TEC: variants seen among roughly 807,000 people sequenced by gnomAD.
TEC encodes the protein tec protein tyrosine kinase.
TEC carries 72 observed loss-of-function variants against 93.0 expected under a neutral mutation model. That is an observed-to-expected ratio of 0.77 (90% CI 0.64 to 0.94). The LOEUF (loss-of-function observed/expected upper bound fraction) is 0.94. Ranked by LOEUF, TEC falls within the 40% of genes least tolerant of loss-of-function variation. The pLI, the probability that TEC is intolerant of heterozygous loss-of-function variation, is 0.00. For synonymous variants in TEC, 249 were observed against 247.7 expected (o/e 1.01, Z -0.05); for missense variants, 630 against 757.9 (o/e 0.83, Z 1.98).
At chr4:48,253,247 TC>T (rs1724256930) in intron 1 of TEC, among the ~76,000 whole-genome samples, 1 of 152,220 alleles carries the variant, frequency 6.6e-6, no homozygotes, top group African/African-American at 2.4e-5. Context: ...TATGTAGCTG[TC>T]GTCTCCTGGC....
intron 11 of TEC, 51 bp from the exon 12 acceptor site, chr4:48,146,450 T>C (rs1251576527): frequency 2.6e-6 from 4 of 1,538,282 alleles, no homozygotes; most frequent in Non-Finnish European, 3.6e-6. Context: ...ATCATTCTGC[T>C]TGGTCACATG....
chr4:48,208,479 T>C, intron 2 of TEC, among the ~76,000 whole-genome samples: 1 of 152,090 alleles, frequency 6.6e-6, no homozygotes, highest in Non-Finnish European at 1.5e-5. Context: ...AAAAAATGAA[T>C]TTGCCCAGCT....
At chr4:48,155,271 C>T (rs1720347930) in intron 9 of TEC, among the ~76,000 whole-genome samples, 1 of 152,202 alleles carries the variant, frequency 6.6e-6, no homozygotes, top group Non-Finnish European at 1.5e-5. Context: ...GCATGTAAAT[C>T]TGCCTTTCAA....
chr4:48,184,049 AG>A (rs1721703543), intron 2 of TEC, among the ~76,000 whole-genome samples: 2 of 152,242 alleles, frequency 1.3e-5, no homozygotes, highest in African/African-American at 4.8e-5. Flanking sequence ...ATTAAAAAAA[AG>A]AATATTATCA....
chr4:48,241,779 T>G (rs1393435476), intron 1 of TEC, among the ~76,000 whole-genome samples: 1 of 152,184 alleles, frequency 6.6e-6, no homozygotes, highest in East Asian at 1.9e-4. Context: ...ATTCATCTCT[T>G]ATCCTCGTCA....
chr4:48,161,482 A>G (rs1001814431), intron 8 of TEC, among the ~76,000 whole-genome samples: 3 of 151,980 alleles, frequency 2.0e-5, no homozygotes, highest in Non-Finnish European at 4.4e-5. Flanking sequence ...TAGGTTACTG[A>G]TAACACTAGG....
chr4:48,179,376 A>ATATATATATATATATTT (rs1560393438), intron 2 of TEC, among the ~76,000 whole-genome samples: 1 of 21,164 alleles, frequency 4.7e-5, no homozygotes, highest in Non-Finnish European at 8.4e-5. Context: ...ATATATATAT[A>ATATATATATATATATTT]TTTTTTTTTT....
chr4:48,157,520 C>T (rs1175687407), intron 8 of TEC, among the ~76,000 whole-genome samples: 1 of 152,118 alleles, frequency 6.6e-6, no homozygotes, highest in Non-Finnish European at 1.5e-5. Flanking sequence ...ATCTGCACCG[C>T]TTCTTCTTTT....
chr4:48,228,549 C>T lies in TEC; in HGVS notation c.66G>A (p.Ser22=), dbSNP rs143430739. The T allele has an allele frequency of 1.3e-3, 2,042 of 1,613,660 alleles. No homozygotes were observed. The highest frequency in any genetic ancestry group is 1.6e-3 in the Non-Finnish European group (1,905 of 1,179,918). The change falls in exon 2 of 18, where the codon TCG becomes TCA. Residue 22 remains serine, a synonymous_variant. Coordinates refer to ENST00000381501, the MANE Select transcript of TEC (RefSeq NM_003215.3). ...AAAGTCTCTCTTTGTAGTTTAAGGG[C>T]GATGTCTTCTTTTTCTGCTGTGACC... The part of the protein sequence containing the change: ...IKRSQQKKKT[S]PLNYKERLFV...
intron 1 of TEC, among the ~76,000 whole-genome samples, chr4:48,240,408 C>A (rs2109655848): frequency 6.6e-6 from 1 of 152,200 alleles, no homozygotes; most frequent in Admixed American, 6.5e-5. Context: ...ATGGGCTCAC[C>A]TTCCCCAAGG....
intron 15 of TEC, among the ~76,000 whole-genome samples, chr4:48,140,864 C>T (rs891808806): frequency 6.6e-6 from 1 of 152,116 alleles, no homozygotes; most frequent in Non-Finnish European, 1.5e-5. Flanking sequence ...TCAATGTAAG[C>T]TGCATGCGGG....
intron 1 of TEC, among the ~76,000 whole-genome samples, chr4:48,228,866 T>C (rs577042681): frequency 2.6e-5 from 4 of 152,216 alleles, no homozygotes; most frequent in Non-Finnish European, 5.9e-5. Flanking sequence ...CATCTCATCA[T>C]TTCATGAGAA....
Position 48,167,847 on chromosome 4 carries a change from T to C in TEC, c.602A>G (p.Glu201Gly). 2.5e-6 allele frequency: 4 copies of C among 1,613,968 alleles called. No homozygotes were observed. The highest frequency in any genetic ancestry group is 3.4e-6 in the Non-Finnish European group (4 of 1,179,904). The change falls in exon 7 of 18, where the codon GAG (glutamate) becomes GGG (glycine). Residue 201 changes from glutamate to glycine, a missense_variant. This residue lies in a region of TEC where 335 missense variants were observed against 351.5 expected (regional missense o/e 0.95). Transcript: ENST00000381501. The stretch of plus-strand genomic sequence containing the variant: ...TAAAATGAGATACTCTTGGCCTCTC[T>C]CTAATCTGAGATCATGTCCTTCTGC... ...QAAEGHDLRL[E>G]RGQEYLILEK...
At chr4:48,252,295 G>T (rs1577672317) in intron 1 of TEC, among the ~76,000 whole-genome samples, 1 of 152,230 alleles carries the variant, frequency 6.6e-6, no homozygotes, top group Non-Finnish European at 1.5e-5. Context: ...TAGTGGTAGT[G>T]GTGGTGGTGC....
Position 48,174,907 on chromosome 4 carries a change from T to A in TEC, c.243+1175A>T, listed in dbSNP as rs1339411192. On this transcript the variant is annotated intron_variant, in intron 3 of 17. Transcript: ENST00000381501. ...GCTATTTATATATCACATCAGTTAA[T>A]CCTCACAACAACCCCATGAAATGAG... Among the ~76,000 whole-genome samples, 9 of 152,330 alleles carry A rather than the reference T, an allele frequency of 5.9e-5. No individual in the cohort carries two copies. In the South Asian group the frequency reaches 1.7e-3, roughly 28 times the overall value.
intron 8 of TEC, among the ~76,000 whole-genome samples, chr4:48,159,092 A>C (rs1300745508): frequency 1.3e-5 from 2 of 152,068 alleles, no homozygotes; most frequent in Non-Finnish European, 2.9e-5. Context: ...AGAAAAAAAA[A>C]AAAAAGACAA....
intron 2 of TEC, among the ~76,000 whole-genome samples, chr4:48,192,290 A>C (rs1402755690): frequency 1.3e-5 from 2 of 152,240 alleles, no homozygotes; most frequent in Non-Finnish European, 2.9e-5. Flanking sequence ...GAATTCTAGA[A>C]CATGCAAACT....
chr4:48,227,652 A>AC (rs1723514348), intron 2 of TEC, among the ~76,000 whole-genome samples: 1 of 151,832 alleles, frequency 6.6e-6, no homozygotes, highest in South Asian at 2.1e-4. Flanking sequence ...AAAAAAAAAA[A>AC]AAAAAAAAAC....
intron 2 of TEC, among the ~76,000 whole-genome samples, chr4:48,224,243 T>C (rs903034941): frequency 3.9e-5 from 6 of 152,176 alleles, no homozygotes; most frequent in African/African-American, 1.4e-4. Flanking sequence ...GCCAACCAAA[T>C]TAAGAGATCC....
Sources: gnomAD v4.1 joint callset for allele counts (sites outside exome capture counted in the v4.1 genomes callset) on GRCh38, gnomAD v4.1.1 for gene constraint, gnomAD v4.1.1 regional missense constraint, MANE v1.5 for transcripts, NCBI Gene and HGNC (gene_info 2026-07-23, HGNC 2026-07-21) for gene names.